Variants in INPP5B observed in about 807,000 individuals in gnomAD.
INPP5B encodes the protein inositol polyphosphate-5-phosphatase B.
INPP5B carries 90 observed loss-of-function variants against 118.5 expected under a neutral mutation model. That is an observed-to-expected ratio of 0.76 (90% CI 0.64 to 0.90). The LOEUF (loss-of-function observed/expected upper bound fraction) is 0.90. Ranked by LOEUF, INPP5B falls within the 40% of genes least tolerant of loss-of-function variation. The pLI, the probability that INPP5B is intolerant of heterozygous loss-of-function variation, is 0.00. For synonymous variants in INPP5B, 385 were observed against 418.9 expected (o/e 0.92, Z 0.99); for missense variants, 984 against 1,125.6 (o/e 0.87, Z 1.80).
At chr1:37,869,223 G>A (rs1208071433) in intron 19 of INPP5B, among the ~76,000 whole-genome samples, 1 of 151,624 alleles carries the variant, frequency 6.6e-6, no homozygotes, top group Non-Finnish European at 1.5e-5. Context: ...GAACTCCTGA[G>A]CTCAAGCAAT....
intron 3 of INPP5B, 84 bp from the exon 4 acceptor site, chr1:37,943,977 C>T (rs760351067): frequency 8.4e-6 from 8 of 948,616 alleles, no homozygotes; most frequent in South Asian, 3.9e-5. Flanking sequence ...TGCTCACACT[C>T]GCTCGTTGGT....
intron 6 of INPP5B, among the ~76,000 whole-genome samples, chr1:37,938,080 G>A (rs1481900357): frequency 6.6e-6 from 1 of 151,012 alleles, no homozygotes. Context: ...AGACCAGCCT[G>A]ATCAACATGG....
Position 37,931,928 on chromosome 1 carries a change from C to G in INPP5B, c.517G>C (p.Ala173Pro). 7 of 1,614,108 alleles carry G rather than the reference C, an allele frequency of 4.3e-6. No homozygotes were observed. The highest frequency in any genetic ancestry group is 5.9e-6 in the Non-Finnish European group (7 of 1,180,038). The change falls in exon 7 of 24, where the codon GCG becomes CCG. Residue 173 changes from alanine (A) to proline (P), a missense_variant. Coordinates refer to ENST00000373024, the MANE Select transcript of INPP5B (RefSeq NM_005540.3). ...NSALVTWPGYATIGGGGSNFD... is the reference protein window; with the variant it reads ...NSALVTWPGYPTIGGGGSNFD... Reference sequence around the variant, plus strand: ...GGATACCTGCCTCCGCCAATTGTCGCGTACCCTGGCCAGGTAACTAGGGCC... The same window carrying G: ...GGATACCTGCCTCCGCCAATTGTCGGGTACCCTGGCCAGGTAACTAGGGCC...
At chr1:37,885,587 A>G in intron 13 of INPP5B, 51 bp downstream of exon 13, 1 of 1,539,026 alleles carries the variant, frequency 6.5e-7, no homozygotes. Flanking sequence ...GACAGAGCCC[A>G]CAACTCTATG....
At chr1:37,933,577 G>A (rs1001455629) in intron 6 of INPP5B, among the ~76,000 whole-genome samples, 2 of 151,500 alleles carry the variant, frequency 1.3e-5, no homozygotes, top group South Asian at 2.1e-4. Flanking sequence ...AAAATTAGCC[G>A]GGTGTGGTGG....
intron 3 of INPP5B, among the ~76,000 whole-genome samples, chr1:37,945,245 A>G (rs1180025488): frequency 6.6e-6 from 1 of 152,200 alleles, no homozygotes; most frequent in East Asian, 1.9e-4. Flanking sequence ...AGCCTGGCCA[A>G]CGTGGTGAAA....
chr1:37,941,894 C>T (rs1288812316), intron 5 of INPP5B, among the ~76,000 whole-genome samples: 3 of 102,708 alleles, frequency 2.9e-5, no homozygotes, highest in Non-Finnish European at 4.1e-5. Flanking sequence ...GCCGAGATCG[C>T]GCCACTGCAC....
chr1:37,887,108 T>C (rs1643585661), intron 11 of INPP5B, 104 bp from the exon 12 acceptor site: 2 of 906,992 alleles, frequency 2.2e-6, no homozygotes, highest in African/African-American at 1.6e-5. Context: ...CGTGTCTCCT[T>C]CTCCACACTA....
chr1:37,882,862 T>G lies in INPP5B; in HGVS notation c.1376A>C (p.Lys459Thr), dbSNP rs748383314. 2 of 1,614,056 alleles carry G rather than the reference T, an allele frequency of 1.2e-6. No homozygotes were observed. Among genetic ancestry groups the G allele is most frequent in the Non-Finnish European group, 1.7e-6 (2 of 1,179,978 alleles). ...CTTCTCTTCGATGAGCTTTTTCACT[T>G]TTTCCACATCCAGCTCTTCTATCCT... is the stretch of plus-strand genomic sequence containing the variant. ...NYRIEELDVE[K>T]VKKLIEEKDF... is the part of the protein sequence containing the mutation. The change falls in exon 14 of 24, where the codon AAA becomes ACA. Residue 459 changes from lysine (K) to threonine (T), a missense_variant. This residue lies in a region of INPP5B where 634 missense variants were observed against 791.0 expected (regional missense o/e 0.80). Transcript: ENST00000373024.
chr1:37,895,472 A>T (rs1643994300), intron 7 of INPP5B, among the ~76,000 whole-genome samples: 1 of 152,062 alleles, frequency 6.6e-6, no homozygotes, highest in East Asian at 1.9e-4. Context: ...AAAAAATAAT[A>T]AAATCCCTCT....
chr1:37,908,300 A>G, intron 7 of INPP5B, among the ~76,000 whole-genome samples: 1 of 152,118 alleles, frequency 6.6e-6, no homozygotes. Flanking sequence ...CAACCAGCCC[A>G]AGGAACATCT....
chr1:37,944,178 T>C (rs1570430036), intron 3 of INPP5B, among the ~76,000 whole-genome samples: 1 of 152,240 alleles, frequency 6.6e-6, no homozygotes, highest in Admixed American at 6.5e-5. Context: ...TCTAGCACTG[T>C]GTGTGACAGG....
At chr1:37,926,121 C>G (rs1307021482) in intron 7 of INPP5B, among the ~76,000 whole-genome samples, 1 of 152,206 alleles carries the variant, frequency 6.6e-6, no homozygotes. Flanking sequence ...TGCTAACATG[C>G]TCTCTGGCTT....
chr1:37,866,531 G>T lies in INPP5B; in HGVS notation c.2314C>A (p.Gln772Lys). The change falls in exon 21 of 24, where the codon CAG (glutamine) becomes AAG (lysine). Residue 772 changes from glutamine (Q) to lysine (K), a missense_variant. Gln to Lys is a moderately conservative substitution (Grantham distance 53). This residue lies in a region of INPP5B where 634 missense variants were observed against 791.0 expected (regional missense o/e 0.80). Transcript: ENST00000373024. ...RNAVQQEDLF[Q>K]QPGLRSEFEH... is the part of the protein sequence containing the mutation. ...AATTCTGACCTCAGGCCTGGTTGCT[G>T]AAACAGATCTTCCTGCAAAAGGGAA... The T allele has an allele frequency of 6.2e-7, 1 of 1,601,850 alleles. No homozygotes were observed. The highest frequency in any genetic ancestry group is 8.6e-7 in the Non-Finnish European group (1 of 1,168,882).
chr1:37,936,542 A>G (rs1162535526), intron 6 of INPP5B, among the ~76,000 whole-genome samples: 1 of 151,534 alleles, frequency 6.6e-6, no homozygotes, highest in Non-Finnish European at 1.5e-5. Context: ...AATCGCTTGA[A>G]CCCGGGAGGT....
At chr1:37,882,320 G>T (rs1282659591) in intron 14 of INPP5B, among the ~76,000 whole-genome samples, 1 of 152,100 alleles carries the variant, frequency 6.6e-6, no homozygotes, top group East Asian at 1.9e-4. Context: ...AGAAGGAAAC[G>T]CTACGTCAAG....
At chr1:37,893,893 T>C (rs983119517) in intron 7 of INPP5B, among the ~76,000 whole-genome samples, 1 of 152,196 alleles carries the variant, frequency 6.6e-6, no homozygotes, top group Non-Finnish European at 1.5e-5. Context: ...TTCTTCATTC[T>C]GCTTTATAAG....
At chr1:37,888,393 A>T (rs975045633) in intron 9 of INPP5B, 49 bp from the exon 10 acceptor site, 1 of 1,196,244 alleles carries the variant, frequency 8.4e-7, no homozygotes, top group Non-Finnish European at 1.1e-6. Flanking sequence ...TATGGAGATA[A>T]CAGGAGAAAG....
chr1:37,867,317 T>C (rs1442190083), intron 20 of INPP5B, among the ~76,000 whole-genome samples: 1 of 152,234 alleles, frequency 6.6e-6, no homozygotes, highest in African/African-American at 2.4e-5. Context: ...CTTAATACCA[T>C]ATAACTGTAT....
Sources: allele counts gnomAD v4.1 joint callset (sites outside exome capture counted in the v4.1 genomes callset), GRCh38; gene constraint gnomAD v4.1.1; regional missense constraint gnomAD v4.1.1; transcripts MANE v1.5; gene names NCBI Gene and HGNC (gene_info 2026-07-23, HGNC 2026-07-21).